Variants in FAM83E observed in about 807,000 individuals in gnomAD.
FAM83E encodes scaffolding CK1 anchoring protein E.
A neutral mutation model predicts 34.3 loss-of-function variants in FAM83E; 29 were observed. That is an observed-to-expected ratio of 0.85 (90% CI 0.63 to 1.15). The LOEUF (loss-of-function observed/expected upper bound fraction) is 1.15. Ranked by LOEUF, FAM83E falls within the 50% of genes most tolerant of loss-of-function variation. The pLI is 0.00. For missense variants in FAM83E, 697 were observed against 685.0 expected (o/e 1.02, Z -0.20); for synonymous variants, 312 against 311.6 (o/e 1.00, Z -0.01).
intron 5 of FAM83E, among the ~76,000 whole-genome samples, chr19:48,606,129 G>A (rs1973925563): frequency 6.6e-6 from 1 of 151,920 alleles, no homozygotes; most frequent in Non-Finnish European, 1.5e-5. Context: ...TGGCCTACAT[G>A]GTGAAACCCT....
rs765610762 is a variant in FAM83E at position 48,609,925 on chromosome 19, C to CCCG, written c.706_708dup (p.Arg236dup). 6.2e-7 allele frequency: 1 copy of CCCG among 1,613,138 alleles called. No individual in the cohort carries two copies. ...TCGCCGTCCAGCAGCACAAACTTCT[C>CCCG]CCGCACGGTGCCGCTCACCTGCCGT... is the stretch of plus-strand genomic sequence containing the variant. On this transcript the variant is annotated inframe_insertion, in exon 5 of 7. Coordinates refer to ENST00000263266, the MANE Select transcript of FAM83E (RefSeq NM_017708.4).
intron 3 of FAM83E, among the ~76,000 whole-genome samples, chr19:48,612,130 G>A (rs961479684): frequency 4.6e-5 from 7 of 152,208 alleles, no homozygotes; most frequent in African/African-American, 1.7e-4. Context: ...AGTCCCTCTG[G>A]CGGTACAGGG....
chr19:48,604,042 T>A, intron 5 of FAM83E, 131 bp from the exon 6 acceptor site: 11 of 886,262 alleles, frequency 1.2e-5, no homozygotes, highest in Non-Finnish European at 1.8e-5. Flanking sequence ...TCAGCTTCCC[T>A]GTCTGTAGAA....
At chr19:48,612,406 CTTTTTT>C (rs922905255) in intron 3 of FAM83E, among the ~76,000 whole-genome samples, 262 of 140,642 alleles carry the variant, frequency 1.9e-3, no homozygotes, top group Non-Finnish European at 2.3e-3. Flanking sequence ...CCATTTCTTT[CTTTTTT>C]TTTTTTTATT....
Position 48,609,860 on chromosome 19 carries a change from G to A in FAM83E, c.758+16C>T, listed in dbSNP as rs538469229. 3.3e-5 allele frequency: 53 copies of A among 1,610,598 alleles called. No individual in the cohort carries two copies. The East Asian group carries it at 1.1e-3, about 33-fold the overall frequency. On this transcript the variant is annotated intron_variant, in intron 5 of 6. Coordinates refer to ENST00000263266, the MANE Select transcript of FAM83E (RefSeq NM_017708.4). ...TATAGGACGCCGGGAGGTGGGGGGC[G>A]GGGCGGGGGCTACACCTGTAGGATC...
Position 48,601,082 on chromosome 19 carries a change from G to A in FAM83E, c.*27C>T. ...TTGTCCGGCACTGCTCCTTGGGTGG[G>A]CCAGCAGATTTGGCTTGGGCTCCTG... On this transcript the variant is annotated 3_prime_UTR_variant, in exon 7 of 7. Coordinates refer to ENST00000263266, the MANE Select transcript of FAM83E (RefSeq NM_017708.4). 6.3e-7 allele frequency: 1 copy of A among 1,592,382 alleles called. No homozygotes were observed. Among genetic ancestry groups the A allele is most frequent in the Non-Finnish European group, 8.5e-7 (1 of 1,170,348 alleles).
In FAM83E at chr19:48,614,524, A is replaced by C. The variant is rs2147651659; in HGVS notation, c.-1152T>G. On this transcript the variant is annotated 5_prime_UTR_variant, in exon 3 of 7. Coordinates refer to ENST00000263266, the MANE Select transcript of FAM83E (RefSeq NM_017708.4). ...CTCAGTTATCCCCTTGAGGCTCCTG[A>C]CCCAACCTCGGGGACCCTGGACCCT... The C allele has an allele frequency of 4.1e-6, 4 of 985,438 alleles. No homozygotes were observed. The highest frequency in any genetic ancestry group is 4.8e-6 in the Non-Finnish European group (4 of 830,102). The allele number at this position is 985,438 out of a possible 1,614,324, so 61.0% of individuals were successfully genotyped here. A position where few individuals can be genotyped will look rare whatever the true frequency, so the allele number is the denominator to read the frequency against.
chr19:48,605,984 A>G (rs2147642417), intron 5 of FAM83E, among the ~76,000 whole-genome samples: 1 of 152,194 alleles, frequency 6.6e-6, no homozygotes, highest in Middle Eastern at 3.4e-3. Context: ...GTGCCCTAAC[A>G]CTTCCTGTCA....
chr19:48,608,439 T>A (rs1406645068), intron 5 of FAM83E, among the ~76,000 whole-genome samples: 12 of 89,750 alleles, frequency 1.3e-4, no homozygotes, highest in Non-Finnish European at 2.5e-4. Flanking sequence ...TTCTTTTCCT[T>A]TTTTTTTTTT....
Position 48,601,190 on chromosome 19 carries a change from A to G in FAM83E, c.1356T>C (p.Asp452=). The G allele has an allele frequency of 6.2e-7, 1 of 1,612,790 alleles. No individual in the cohort carries two copies. The highest frequency in any genetic ancestry group is 8.5e-7 in the Non-Finnish European group (1 of 1,179,510). The change falls in exon 7 of 7, where the codon GAT becomes GAC. Residue 452 remains aspartate (D), a synonymous_variant. Coordinates refer to ENST00000263266, the MANE Select transcript of FAM83E (RefSeq NM_017708.4). ...LSPARRRFGG[D]ATFKLQEPRG... ...TGGGCTCTTGAAGTTTGAATGTAGC[A>G]TCCCCACCGAACCGCCTTCGGGCTG...
At chr19:48,604,945 G>A (rs1391271826) in intron 5 of FAM83E, among the ~76,000 whole-genome samples, 1 of 150,104 alleles carries the variant, frequency 6.7e-6, no homozygotes, top group Non-Finnish European at 1.5e-5. Context: ...GCTTGAACCC[G>A]GGAGGTGGAG....
Position 48,613,238 on chromosome 19 carries a change from C to T in FAM83E, c.135G>A (p.Ala45=), listed in dbSNP as rs750572856. 6 of 1,610,304 alleles carry T rather than the reference C, an allele frequency of 3.7e-6. No homozygotes were observed. Among genetic ancestry groups the T allele is most frequent in the East Asian group, 2.2e-5 (1 of 44,888 alleles). ...LEALLSKGAE[A]FQTCVQREEL... is the part of the protein sequence containing the mutation. ...CCTCGCGCTGCACGCAGGTCTGGAA[C>T]GCCTCCGCGCCCTTGCTCAACAGAG... Residue 45 remains alanine (A), a synonymous_variant, in exon 3 of 7, where the codon GCG becomes GCA. Coordinates refer to ENST00000263266, the MANE Select transcript of FAM83E (RefSeq NM_017708.4).
intron 4 of FAM83E, 72 bp downstream of exon 4, chr19:48,610,608 G>C: frequency 6.8e-7 from 1 of 1,477,288 alleles, no homozygotes; most frequent in Non-Finnish European, 9.1e-7. Flanking sequence ...GGAGCTCCAT[G>C]GAAGGGTCTG....
chr19:48,611,467 T>A (rs1974040940), intron 3 of FAM83E, among the ~76,000 whole-genome samples: 1 of 149,770 alleles, frequency 6.7e-6, no homozygotes, highest in Admixed American at 6.6e-5. Flanking sequence ...CACGCCCGGC[T>A]TTTTTTTTCT....
At chr19:48,612,867 C>T (rs770817116) in intron 3 of FAM83E, 41 bp downstream of exon 3, 2 of 1,486,536 alleles carry the variant, frequency 1.3e-6, no homozygotes, top group Non-Finnish European at 1.8e-6. Context: ...GGGTCCCCGT[C>T]CCAGTCTGGT....
chr19:48,603,740 G>C lies in FAM83E; in HGVS notation c.930C>G (p.Ser310Arg). ...AGCGGCGGCGGGACACGCGGTGCGG[G>C]CTGCGGCCCCGCTGCAGGCCACCTA... is the stretch of plus-strand genomic sequence containing the variant. ...SVIGGLQRGR[S>R]PHRVSRRRSV... is the part of the protein sequence containing the mutation. The change falls in exon 6 of 7, where the codon AGC (serine) becomes AGG (arginine). Residue 310 changes from serine (S) to arginine (R), a missense_variant. Transcript: ENST00000263266. 1.3e-6 allele frequency: 2 copies of C among 1,525,348 alleles called. No individual in the cohort carries two copies. Among genetic ancestry groups the C allele is most frequent in the Non-Finnish European group, 1.7e-6 (2 of 1,144,402 alleles). 94.5% of individuals were successfully genotyped at this position (1,525,348 alleles called of 1,614,324 possible). A position where few individuals can be genotyped will look rare whatever the true frequency, so the allele number is the denominator to read the frequency against.
In FAM83E at chr19:48,607,445, C is replaced by T; in HGVS notation, c.758+2431G>A. The T allele has an allele frequency of 4.8e-6, 7 of 1,450,610 alleles. No individual in the cohort carries two copies. The South Asian group carries it at 9.7e-5, about 20-fold the overall frequency. 89.9% of individuals were successfully genotyped at this position (1,450,610 alleles called of 1,614,324 possible). ...TCCCCCACTAAATGGCCAGAGAGGC[C>T]CTGGACAACCTCTTGCGGCCCTGGC... On this transcript the variant is annotated intron_variant, in intron 5 of 6. Transcript: ENST00000263266.
At chr19:48,610,991 G>C in intron 3 of FAM83E, 144 bp from the exon 4 acceptor site, 1 of 763,278 alleles carries the variant, frequency 1.3e-6, no homozygotes, top group Non-Finnish European at 2.1e-6. Context: ...GGCTAAAGGG[G>C]AGACCCCCAG....
At position 48,600,798 on chromosome 19, in the gene FAM83E, T is replaced by C. The variant is rs1482212446; in HGVS notation, c.*311A>G. The stretch of plus-strand genomic sequence containing the variant: ...TCCTGCGTAGCTGGGACCACAGGCG[T>C]GCGCCACCACACCCAACTAATTTGT... On this transcript the variant is annotated 3_prime_UTR_variant, in exon 7 of 7. Transcript: ENST00000263266. The C allele has an allele frequency of 7.6e-6, 2 of 263,552 alleles. No homozygotes were observed. The highest frequency in any genetic ancestry group is 1.4e-5 in the Non-Finnish European group (2 of 143,744). 16.3% of individuals were successfully genotyped at this position (263,552 alleles called of 1,614,324 possible).
Sources: gnomAD v4.1 joint callset for allele counts (sites outside exome capture counted in the v4.1 genomes callset) on GRCh38, gnomAD v4.1.1 for gene constraint, MANE v1.5 for transcripts, NCBI Gene and HGNC (gene_info 2026-07-23, HGNC 2026-07-21) for gene names.